The following FNBP1 variants were observed in gnomAD, a reference collection of about 807,000 sequenced individuals.
The protein encoded by FNBP1 is formin-binding protein 1.
A neutral mutation model predicts 90.6 loss-of-function variants in FNBP1; 26 were observed. The ratio of observed to expected loss-of-function variants is 0.29; its 90% CI spans 0.21 to 0.40. The LOEUF is 0.40. Ranked by LOEUF, FNBP1 falls within the 10% of genes least tolerant of loss-of-function variation. FNBP1 has a pLI of 1.00. For synonymous variants in FNBP1, 260 were observed against 265.2 expected (o/e 0.98, Z 0.19); for missense variants, 635 against 768.0 (o/e 0.83, Z 2.05).
chr9:129,926,164 G>A (rs188868628), intron 8 of FNBP1, among the ~76,000 whole-genome samples: 13 of 151,872 alleles, frequency 8.6e-5, no homozygotes, highest in Non-Finnish European at 1.3e-4. Flanking sequence ...TAGAGATGTG[G>A]TTTCACCATG....
chr9:129,897,070 C>T (rs899407396), intron 15 of FNBP1, among the ~76,000 whole-genome samples: 2 of 152,178 alleles, frequency 1.3e-5, no homozygotes, highest in Non-Finnish European at 2.9e-5. Flanking sequence ...CATAGATGAA[C>T]CTGGATTCAC....
intron 1 of FNBP1, among the ~76,000 whole-genome samples, chr9:130,013,540 T>C (rs1244959634): frequency 6.6e-6 from 1 of 152,174 alleles, no homozygotes; most frequent in Non-Finnish European, 1.5e-5. Flanking sequence ...TTTTACCTAG[T>C]AAAGGTGAAC....
At chr9:129,931,017 G>A (rs2042651007) in intron 6 of FNBP1, among the ~76,000 whole-genome samples, 1 of 152,168 alleles carries the variant, frequency 6.6e-6, no homozygotes, top group Admixed American at 6.6e-5. Context: ...AGAAAACTAA[G>A]ACCTGGCTGG....
At chr9:129,905,879 C>CTTTTTTT (rs35439760) in intron 12 of FNBP1, among the ~76,000 whole-genome samples, 1 of 145,394 alleles carries the variant, frequency 6.9e-6, no homozygotes, top group Non-Finnish European at 1.5e-5. Context: ...AGGCATATTT[C>CTTTTTTT]TTTTTTTTTT....
intron 4 of FNBP1, among the ~76,000 whole-genome samples, chr9:129,969,231 T>G (rs1380928999): frequency 6.6e-6 from 1 of 152,240 alleles, no homozygotes; most frequent in Non-Finnish European, 1.5e-5. Context: ...TATAAGTCTG[T>G]AAATCTATTG....
intron 10 of FNBP1, among the ~76,000 whole-genome samples, chr9:129,923,624 T>C (rs1923663): frequency 1 from 150,476 of 150,696 alleles, 75,128 homozygotes; most frequent in Non-Finnish European, 1. Context: ...CTCTGGGCTG[T>C]CTGGTTTTCT....
At chr9:129,927,595 T>TA (rs1307205193) in intron 7 of FNBP1, among the ~76,000 whole-genome samples, 1 of 152,022 alleles carries the variant, frequency 6.6e-6, no homozygotes, top group Admixed American at 6.6e-5. Context: ...CCAAACTCAA[T>TA]AGTTCTTTTT....
chr9:130,014,297 GC>G (rs1589266835), intron 1 of FNBP1, among the ~76,000 whole-genome samples: 2 of 150,694 alleles, frequency 1.3e-5, no homozygotes, highest in East Asian at 3.9e-4. Context: ...TGCCGCCCAG[GC>G]TGGAGTGCAA....
In FNBP1 at chr9:129,895,975, G is replaced by GA; in HGVS notation, c.1708dup (p.Ser570PhefsTer4). 6.2e-7 allele frequency: 1 copy of GA among 1,609,434 alleles called. No homozygotes were observed. Among genetic ancestry groups the GA allele is most frequent in the Non-Finnish European group, 8.5e-7 (1 of 1,178,544 alleles). On this transcript the variant is annotated frameshift_variant, in exon 16 of 17. Coordinates refer to ENST00000446176, the MANE Select transcript of FNBP1 (RefSeq NM_015033.3). LOFTEE classifies it high-confidence loss of function. The stretch of plus-strand genomic sequence containing the variant: ...ATACAATGTTTCTCCTTCAACTACG[G>GA]AAATCGTTCCTTCATTCTGACCTGA...
intron 13 of FNBP1, among the ~76,000 whole-genome samples, chr9:129,902,046 A>C (rs1200338177): frequency 6.6e-6 from 1 of 152,076 alleles, no homozygotes; most frequent in African/African-American, 2.4e-5. Context: ...TGGGTTCAGG[A>C]GGCTTTTGTT....
Position 130,043,088 on chromosome 9 carries a change from C to T in FNBP1, c.-113G>A. On this transcript the variant is annotated 5_prime_UTR_variant, in exon 1 of 17. Transcript: ENST00000446176. ...CCGCGACGGCGGAAAGCCCGGAGTCCGCGCGGCCTCCTCCGGCTCGCAGCT... is the reference window on the plus strand; with the variant it reads ...CCGCGACGGCGGAAAGCCCGGAGTCTGCGCGGCCTCCTCCGGCTCGCAGCT... 2.0e-6 allele frequency: 2 copies of T among 1,010,938 alleles called. No homozygotes were observed. Among genetic ancestry groups the T allele is most frequent in the Non-Finnish European group, 1.3e-6 (1 of 789,560 alleles). The allele number at this position is 1,010,938 out of a possible 1,614,324, so 62.6% of individuals were successfully genotyped here.
rs188616766 is a variant in FNBP1, at chr9:129,957,954, T to C, written c.409-490A>G. 1.2e-4 allele frequency among the ~76,000 whole-genome samples: 18 copies of C among 152,348 alleles called. No homozygotes were observed. The highest frequency in any genetic ancestry group is 3.6e-4 in the African/African-American group (15 of 41,590). On this transcript the variant is annotated intron_variant, in intron 5 of 16. Transcript: ENST00000446176. The surrounding 1 kb of genome is among the most constrained non-coding windows in gnomAD (Gnocchi z 4.3). ...CATCAAAACTGTCTAATCTTTATTA[T>C]TTCCACGTGACTTTTAGAAAAATAC...
chr9:129,990,754 CA>C (rs1280359001), intron 2 of FNBP1, among the ~76,000 whole-genome samples: 1 of 152,012 alleles, frequency 6.6e-6, no homozygotes, highest in African/African-American at 2.4e-5. Context: ...CATAACCAGG[CA>C]AAAGATCATG....
intron 4 of FNBP1, among the ~76,000 whole-genome samples, chr9:129,960,581 C>T (rs2047662801): frequency 6.6e-6 from 1 of 152,012 alleles, no homozygotes; most frequent in South Asian, 2.1e-4. Flanking sequence ...GTTAACCTGG[C>T]GGCCAGATCT....
chr9:129,952,552 A>C (rs904485380), intron 6 of FNBP1, among the ~76,000 whole-genome samples: 1 of 152,296 alleles, frequency 6.6e-6, no homozygotes, highest in East Asian at 1.9e-4. Flanking sequence ...TGCAAAAGAC[A>C]CATGTAAATA....
At chr9:129,910,618 G>T (rs956535178) in intron 11 of FNBP1, among the ~76,000 whole-genome samples, 6 of 152,056 alleles carry the variant, frequency 3.9e-5, no homozygotes, top group African/African-American at 1.4e-4. Flanking sequence ...CTTGGGGCAG[G>T]GTAGAAAGAG....
At chr9:129,944,105 G>T (rs913510337) in intron 6 of FNBP1, among the ~76,000 whole-genome samples, 3 of 150,178 alleles carry the variant, frequency 2.0e-5, no homozygotes, top group Non-Finnish European at 4.4e-5. Flanking sequence ...TTCTCTCTCC[G>T]TCTCATGCTT....
intron 11 of FNBP1, among the ~76,000 whole-genome samples, chr9:129,911,260 A>G (rs982674510): frequency 6.6e-6 from 1 of 152,182 alleles, no homozygotes; most frequent in South Asian, 2.1e-4. Context: ...CACCTGCCCA[A>G]GGCAGGATTC....
At chr9:130,014,201 C>T (rs1385030068) in intron 1 of FNBP1, among the ~76,000 whole-genome samples, 1 of 151,366 alleles carries the variant, frequency 6.6e-6, no homozygotes, top group Non-Finnish European at 1.5e-5. Flanking sequence ...AGGGAGGGGC[C>T]AGCAGGAGAT....
Sources: allele counts gnomAD v4.1 joint callset (sites outside exome capture counted in the v4.1 genomes callset), GRCh38; gene constraint gnomAD v4.1.1; non-coding constraint Gnocchi (gnomAD v3.1); transcripts MANE v1.5; gene names NCBI Gene and HGNC (gene_info 2026-07-23, HGNC 2026-07-21).